METTL22: variants seen among roughly 807,000 people sequenced by gnomAD.
METTL22 encodes methyltransferase 22, Kin17 lysine, also known as methyltransferase-like protein 22.
A neutral mutation model predicts 48.4 loss-of-function variants in METTL22; 51 were observed. The observed-to-expected ratio is 1.05, with a 90% CI of 0.84 to 1.33. The LOEUF (loss-of-function observed/expected upper bound fraction) is 1.33, where lower values mean the gene tolerates loss of function less well. METTL22 is among the 40% of genes most tolerant of loss of function. METTL22 has a pLI of 0.00. For missense variants in METTL22, 678 were observed against 526.9 expected (o/e 1.29, Z -2.81); for synonymous variants, 255 against 214.1 (o/e 1.19, Z -1.67).
intron 6 of METTL22, among the ~76,000 whole-genome samples, 185 bp from the exon 7 acceptor site, chr16:8,640,938 ATGGATGGG>A (rs1261149425): frequency 1.2e-4 from 2 of 16,278 alleles, no homozygotes; most frequent in African/African-American, 1.6e-4. Context: ...GGATGGATGG[ATGGATGGG>A]TGGGTGGATG....
intron 10 of METTL22, among the ~76,000 whole-genome samples, chr16:8,645,633 A>ACG (rs1236450040): frequency 7.1e-6 from 1 of 141,200 alleles, no homozygotes; most frequent in Non-Finnish European, 1.6e-5. Flanking sequence ...AAAATTAGCC[A>ACG]TGCATGGTGG....
chr16:8,651,401 A>AAAAAAAAAAAAAAAT (rs2056895899), downstream of METTL22, among the ~76,000 whole-genome samples: 1 of 150,548 alleles, frequency 6.6e-6, no homozygotes, highest in Admixed American at 6.6e-5. Flanking sequence ...AAAAAAAAAA[A>AAAAAAAAAAAAAAAT]AACATACTAA....
chr16:8,635,037 A>G lies in METTL22; in HGVS notation c.515-2A>G. On this transcript the variant is annotated splice_acceptor_variant, in intron 3 of 10. Transcript: ENST00000381920. LOFTEE classifies it high-confidence loss of function. Reference sequence around the variant, plus strand: ...ATTTCTCTTGGTTTCTGTCCCATCCAGAGCACACCATGGCCACGCCCCTGG... The same window carrying G: ...ATTTCTCTTGGTTTCTGTCCCATCCGGAGCACACCATGGCCACGCCCCTGG... 1 of 1,613,498 alleles carries G rather than the reference A, an allele frequency of 6.2e-7. No individual in the cohort carries two copies. The highest frequency in any genetic ancestry group is 8.5e-7 in the Non-Finnish European group (1 of 1,180,036).
At chr16:8,621,879 C>T (rs1204178744) in intron 1 of METTL22, 104 bp downstream of exon 1, 1 of 152,292 alleles carries the variant, frequency 6.6e-6, no homozygotes, top group East Asian at 1.9e-4. Context: ...AGGCCCAGAT[C>T]CCTAAGGCCC....
At chr16:8,642,286 G>C (rs972733195) in intron 8 of METTL22, 79 bp downstream of exon 8, 16 of 1,391,010 alleles carry the variant, frequency 1.2e-5, no homozygotes, top group Middle Eastern at 3.5e-4. Context: ...ACTTCCCCCG[G>C]GAGTTCAGTT....
At chr16:8,658,828 A>G in the METTL22 span, among the ~76,000 whole-genome samples, 1 of 152,098 alleles carries the variant, frequency 6.6e-6, no homozygotes, top group South Asian at 2.1e-4. Context: ...CAGGGCCCAC[A>G]AGGCCCTCCA....
At chr16:8,622,767 C>T (rs8063843) in intron 1 of METTL22, among the ~76,000 whole-genome samples, 139,083 of 152,224 alleles carry the variant, frequency 0.91, 63,693 homozygotes, top group African/African-American at 0.97. Context: ...TCAAGAGGGC[C>T]TCCTTATTCC....
rs1204594901 is a variant in METTL22 at position 8,625,642 on chromosome 16, T to C, written c.-24T>C. 10 of 1,613,794 alleles carry C rather than the reference T, an allele frequency of 6.2e-6. No homozygotes were observed. The highest frequency in any genetic ancestry group is 8.5e-6 in the Non-Finnish European group (10 of 1,179,896). On this transcript the variant is annotated 5_prime_UTR_variant, in exon 2 of 11. Coordinates refer to ENST00000381920, the MANE Select transcript of METTL22 (RefSeq NM_024109.4). The stretch of plus-strand genomic sequence containing the variant: ...TCTCACCTCTGAGGGACTCCTGTCC[T>C]AGGACTAAGGTGGAGCCTGGGCCAT...
At chr16:8,657,773 C>T in the METTL22 span, among the ~76,000 whole-genome samples, 21 of 150,576 alleles carry the variant, frequency 1.4e-4, no homozygotes, top group African/African-American at 3.2e-4. Context: ...GGATTTAGGG[C>T]GGGTCCTAAA....
chr16:8,650,234 G>T (rs1339459416), downstream of METTL22, among the ~76,000 whole-genome samples: 6 of 152,232 alleles, frequency 3.9e-5, no homozygotes, highest in African/African-American at 1.4e-4. Flanking sequence ...TGGGTCGGGA[G>T]CATCGCCTAA....
rs540026368 is a variant in METTL22 at position 8,630,733 on chromosome 16, G to A, written c.514+1623G>A. 2.0e-5 allele frequency among the ~76,000 whole-genome samples: 3 copies of A among 152,280 alleles called. No homozygotes were observed. In the East Asian group the frequency reaches 5.8e-4, roughly 29 times the overall value. ...TGTGACCAGCTTCCCCTCCTGCCCT[G>A]TTCCGGTGACCTCACGGTGAGGCCC... On this transcript the variant is annotated intron_variant, in intron 3 of 10. Coordinates refer to ENST00000381920, the MANE Select transcript of METTL22 (RefSeq NM_024109.4).
intron 2 of METTL22, among the ~76,000 whole-genome samples, chr16:8,628,006 G>A (rs953633983): frequency 1.3e-5 from 2 of 152,108 alleles, no homozygotes; most frequent in Non-Finnish European, 1.5e-5. Flanking sequence ...CCAAAGTGCT[G>A]GAATTACAGG....
chr16:8,642,865 G>C, intron 9 of METTL22: 2 of 432,906 alleles, frequency 4.6e-6, no homozygotes, highest in South Asian at 5.4e-5. Flanking sequence ...AATGCAGACT[G>C]TACTGGAACC....
At chr16:8,643,957 T>C (rs1265986286) in intron 9 of METTL22, among the ~76,000 whole-genome samples, 2 of 152,126 alleles carry the variant, frequency 1.3e-5, no homozygotes, top group East Asian at 3.8e-4. Flanking sequence ...TTTTTCTTGA[T>C]AAAAAAATTT....
rs762026763 is a variant in METTL22, at chr16:8,635,136, C to T, written c.556-32C>T. ...TGATGGGTCCCTGCAGAGCCTCACG[C>T]TGCTTGTCGCTCCTTGTCCTCTTCC... On this transcript the variant is annotated intron_variant, in intron 4 of 10. Transcript: ENST00000381920. 2.2e-5 allele frequency: 35 copies of T among 1,613,772 alleles called. No individual in the cohort carries two copies. The Admixed American group carries it at 5.3e-4, about 25-fold the overall frequency.
chr16:8,630,386 G>C (rs1245948932), intron 3 of METTL22, among the ~76,000 whole-genome samples: 1 of 152,212 alleles, frequency 6.6e-6, no homozygotes, highest in South Asian at 2.1e-4. Flanking sequence ...CTGAGGCTCA[G>C]CGAGGTTGAG....
Position 8,646,839 on chromosome 16 carries a change from C to T in METTL22, c.*696C>T. 2.7e-6 allele frequency: 1 copy of T among 374,934 alleles called. No individual in the cohort carries two copies. The highest frequency in any genetic ancestry group is 5.3e-6 in the Non-Finnish European group (1 of 189,106). The allele number at this position is 374,934 out of a possible 1,614,324, so 23.2% of individuals were successfully genotyped here. A position where few individuals can be genotyped will look rare whatever the true frequency, so the allele number is the denominator to read the frequency against. The stretch of plus-strand genomic sequence containing the variant: ...CGCCTGGACTCATTTTCCCTCCGCC[C>T]CTTGGTCTCTCTGTCTTATCACGTG... On this transcript the variant is annotated 3_prime_UTR_variant, in exon 11 of 11. Coordinates refer to ENST00000381920, the MANE Select transcript of METTL22 (RefSeq NM_024109.4).
chr16:8,646,280 G>T lies in METTL22; in HGVS notation c.*137G>T. The stretch of plus-strand genomic sequence containing the variant: ...GTTACACGTACCTTAGATGACCCAA[G>T]ATGGTTTTCTGGGGTCTGTCCCTGC... On this transcript the variant is annotated 3_prime_UTR_variant, in exon 11 of 11. Coordinates refer to ENST00000381920, the MANE Select transcript of METTL22 (RefSeq NM_024109.4). The T allele has an allele frequency of 8.7e-7, 1 of 1,148,334 alleles. No individual in the cohort carries two copies. Among genetic ancestry groups the T allele is most frequent in the Non-Finnish European group, 1.3e-6 (1 of 783,120 alleles). 71.1% of individuals were successfully genotyped at this position (1,148,334 alleles called of 1,614,324 possible). A position where few individuals can be genotyped will look rare whatever the true frequency, so the allele number is the denominator to read the frequency against.
chr16:8,645,966 C>G, intron 10 of METTL22, 142 bp from the exon 11 acceptor site: 1 of 1,262,158 alleles, frequency 7.9e-7, no homozygotes, highest in East Asian at 3.0e-5. Flanking sequence ...GGAAGCCGCC[C>G]GTCCGCTCCT....
Sources: allele counts gnomAD v4.1 joint callset (sites outside exome capture counted in the v4.1 genomes callset), GRCh38; gene constraint gnomAD v4.1.1; transcripts MANE v1.5; gene names NCBI Gene and HGNC (gene_info 2026-07-23, HGNC 2026-07-21).